The following ZNF385D variants were observed in gnomAD, a reference collection of about 807,000 sequenced individuals.
ZNF385D encodes the protein zinc finger protein 659.
In ZNF385D, 15 loss-of-function variants were observed where a neutral mutation model predicts 35.8. The observed-to-expected ratio is 0.42, with a 90% confidence interval of 0.28 to 0.64. ZNF385D has a LOEUF of 0.64. ZNF385D is among the 30% of genes least tolerant of loss of function. The probability of loss-of-function intolerance (pLI) is 0.23; values close to 1 mark genes in which losing one functional copy is unlikely to be tolerated. For missense variants in ZNF385D, 474 were observed against 494.6 expected (o/e 0.96, Z 0.39); for synonymous variants, 212 against 186.8 (o/e 1.13, Z -1.10).
At chr3:22,186,315 T>G (rs767346224) in intron 2 of ZNF385D, among the ~76,000 whole-genome samples, 7 of 152,094 alleles carry the variant, frequency 4.6e-5, no homozygotes, top group Non-Finnish European at 8.8e-5. Flanking sequence ...TTGACGTAAC[T>G]TGAATAAACA....
chr3:22,319,546 G>T (rs573128684), intron 2 of ZNF385D, among the ~76,000 whole-genome samples: 1 of 152,076 alleles, frequency 6.6e-6, no homozygotes, highest in Non-Finnish European at 1.5e-5. Flanking sequence ...TCAAATCTTA[G>T]AATCAAAAGA....
intron 3 of ZNF385D, among the ~76,000 whole-genome samples, chr3:21,956,843 G>A (rs1433010317): frequency 6.6e-6 from 1 of 151,562 alleles, no homozygotes; most frequent in Non-Finnish European, 1.5e-5. Context: ...TATTTATCCT[G>A]TGATCCACAG....
chr3:22,091,123 C>A (rs111730647), intron 3 of ZNF385D, among the ~76,000 whole-genome samples: 2 of 152,050 alleles, frequency 1.3e-5, no homozygotes, highest in African/African-American at 2.4e-5. Context: ...AGGAAACTAA[C>A]TAGAGATTTC....
intron 1 of ZNF385D, among the ~76,000 whole-genome samples, chr3:21,733,971 T>G (rs2069129731): frequency 2.0e-5 from 3 of 152,098 alleles, no homozygotes; most frequent in Non-Finnish European, 2.9e-5. Context: ...ACCAAATTAT[T>G]TAATTATTAT....
At chr3:21,855,588 T>C (rs1696664654) in intron 3 of ZNF385D, among the ~76,000 whole-genome samples, 1 of 152,048 alleles carries the variant, frequency 6.6e-6, no homozygotes, top group Non-Finnish European at 1.5e-5. Flanking sequence ...TTCCTCACCA[T>C]ACTAATCAGA....
chr3:22,093,291 G>A (rs893163295), intron 3 of ZNF385D, among the ~76,000 whole-genome samples: 2 of 151,738 alleles, frequency 1.3e-5, no homozygotes, highest in South Asian at 2.1e-4. Flanking sequence ...GAAGGTATAG[G>A]CTTTTAATAT....
At chr3:22,137,125 C>T (rs185895279) in intron 3 of ZNF385D, among the ~76,000 whole-genome samples, 16 of 152,174 alleles carry the variant, frequency 1.1e-4, no homozygotes, top group Admixed American at 7.9e-4. Flanking sequence ...TGGGGAGCTG[C>T]GGTATATAAG....
intron 2 of ZNF385D, among the ~76,000 whole-genome samples, chr3:22,281,448 G>T (rs1701735887): frequency 6.6e-6 from 1 of 152,034 alleles, no homozygotes; most frequent in Non-Finnish European, 1.5e-5. Context: ...ATCACAAAGG[G>T]ATGCTGGATT....
intron 2 of ZNF385D, chr3:21,579,068 C>G (rs150472332): frequency 2.0e-5 from 3 of 152,286 alleles, no homozygotes; most frequent in African/African-American, 7.2e-5. Flanking sequence ...CCTCACATAA[C>G]AAAATCTCTT....
intron 2 of ZNF385D, among the ~76,000 whole-genome samples, chr3:22,205,007 C>A (rs1423694555): frequency 1.4e-5 from 2 of 145,536 alleles, no homozygotes; most frequent in African/African-American, 4.9e-5. Flanking sequence ...AAATCAATAT[C>A]CATGTACAAG....
At chr3:22,107,156 T>C (rs984638312) in intron 3 of ZNF385D, among the ~76,000 whole-genome samples, 14 of 151,276 alleles carry the variant, frequency 9.3e-5, no homozygotes, top group African/African-American at 3.4e-4. Context: ...CCGGAGTAGC[T>C]GGGATTACAG....
intron 4 of ZNF385D, among the ~76,000 whole-genome samples, chr3:21,473,119 GA>G (rs1202631156): frequency 1.3e-5 from 2 of 151,894 alleles, no homozygotes; most frequent in Admixed American, 6.6e-5. Context: ...CTAAACATTT[GA>G]AAAAGCTAAC....
chr3:21,531,695 C>T (rs1465237357), intron 3 of ZNF385D, among the ~76,000 whole-genome samples: 1 of 151,910 alleles, frequency 6.6e-6, no homozygotes, highest in Non-Finnish European at 1.5e-5. Flanking sequence ...CTGGAAAAGA[C>T]AAAACTATGA....
In ZNF385D at chr3:21,437,097, CGTT is replaced by C; in HGVS notation, c.543_545del (p.Thr183del). ...GACATGAGCTATTGCCAGTGGCTGTCGTTGGGCTTTTTTCCACTTTAGAGGTGA... is the reference window on the plus strand; with the variant it reads ...GACATGAGCTATTGCCAGTGGCTGTCGGGCTTTTTTCCACTTTAGAGGTGA... On this transcript the variant is annotated inframe_deletion, in exon 5 of 8. Transcript: ENST00000281523. 6.2e-7 allele frequency: 1 copy of C among 1,613,896 alleles called. No homozygotes were observed. The highest frequency in any genetic ancestry group is 1.1e-5 in the South Asian group (1 of 91,084).
chr3:21,621,017 A>G (rs2064991445), intron 2 of ZNF385D, among the ~76,000 whole-genome samples: 2 of 150,644 alleles, frequency 1.3e-5, no homozygotes, highest in Admixed American at 6.6e-5. Flanking sequence ...CACACACACA[A>G]TTTTCTGAAG....
At chr3:21,681,853 A>T (rs1485718162) in intron 1 of ZNF385D, among the ~76,000 whole-genome samples, 1 of 151,998 alleles carries the variant, frequency 6.6e-6, no homozygotes, top group African/African-American at 2.4e-5. Context: ...TGATTTACTG[A>T]TCCATTGGCT....
At chr3:22,269,947 G>A (rs547935451) in intron 2 of ZNF385D, among the ~76,000 whole-genome samples, 2 of 151,858 alleles carry the variant, frequency 1.3e-5, no homozygotes, top group African/African-American at 4.8e-5. Flanking sequence ...ACTTTCTCCA[G>A]TGCTCTTTAG....
rs150569880 is a variant in ZNF385D at position 21,619,254 on chromosome 3, C to T, written c.165+45632G>A. ...TTTGAGATTTGTTCTCTCATCTCCT[C>T]GCATGGCAGCCTTGTGAATACAATC... On this transcript the variant is annotated intron_variant, in intron 2 of 7. Coordinates refer to ENST00000281523, the MANE Select transcript of ZNF385D (RefSeq NM_024697.3). Among the ~76,000 whole-genome samples the T allele has an allele frequency of 3.2e-3, 485 of 152,256 alleles. 5 individuals are homozygous for T. The highest frequency in any genetic ancestry group is 0.011 in the African/African-American group (453 of 41,568).
intron 2 of ZNF385D, among the ~76,000 whole-genome samples, chr3:21,566,586 A>T (rs1028832487): frequency 6.6e-6 from 1 of 152,122 alleles, no homozygotes; most frequent in South Asian, 2.1e-4. Context: ...ATGCCACTCC[A>T]TTCCAGCGTG....
Sources: allele counts gnomAD v4.1 joint callset (sites outside exome capture counted in the v4.1 genomes callset), GRCh38; gene constraint gnomAD v4.1.1; transcripts MANE v1.5; gene names NCBI Gene and HGNC (gene_info 2026-07-23, HGNC 2026-07-21).